The following FARS2 variants were observed in gnomAD, a reference collection of about 807,000 sequenced individuals.
The protein encoded by FARS2 is phenylalanine--tRNA ligase, mitochondrial.
FARS2 carries 40 observed loss-of-function variants against 46.4 expected under a neutral mutation model. The observed-to-expected ratio is 0.86, with a 90% CI of 0.67 to 1.12. The LOEUF is 1.12. Among genes scored for constraint, FARS2 ranks in the 50% most tolerant of loss-of-function variants. The probability of loss-of-function intolerance (pLI) is 0.00; values close to 1 mark genes in which losing one functional copy is unlikely to be tolerated. For missense variants in FARS2, 513 were observed against 567.9 expected (o/e 0.90, Z 0.98); for synonymous variants, 234 against 214.9 (o/e 1.09, Z -0.78).
chr6:5,330,364 G>A lies in FARS2; in HGVS notation c.-21-38186G>A, dbSNP rs764623587. On this transcript the variant is annotated intron_variant, in intron 1 of 6. Coordinates refer to ENST00000274680, the MANE Select transcript of FARS2 (RefSeq NM_006567.5). ...CTCTGAGACCTACTTCGCCATGTAGGTGTAGCGTATGCTGCTTCTGTGCTG... is the reference window on the plus strand; with the variant it reads ...CTCTGAGACCTACTTCGCCATGTAGATGTAGCGTATGCTGCTTCTGTGCTG... 2.6e-5 allele frequency among the ~76,000 whole-genome samples: 4 copies of A among 152,092 alleles called. No individual in the cohort carries two copies. In the South Asian group the frequency reaches 6.2e-4, roughly 24 times the overall value.
In FARS2 at chr6:5,621,492, A is replaced by G. The variant is rs560177584; in HGVS notation, c.1217+8172A>G. Among the ~76,000 whole-genome samples, 7 of 152,310 alleles carry G rather than the reference A, an allele frequency of 4.6e-5. No individual in the cohort carries two copies. In the East Asian group the frequency reaches 9.7e-4, roughly 21 times the overall value. On this transcript the variant is annotated intron_variant, in intron 6 of 6. Coordinates refer to ENST00000274680, the MANE Select transcript of FARS2 (RefSeq NM_006567.5). ...GTTAAGCCTAATGAATGGCCTTCCC[A>G]GTTTCTTGCATGTAATTAACACTCA...
chr6:5,557,613 G>A (rs1771738393), intron 5 of FARS2, among the ~76,000 whole-genome samples: 2 of 152,072 alleles, frequency 1.3e-5, no homozygotes, highest in African/African-American at 4.8e-5. Flanking sequence ...ATGGCCTATC[G>A]AGAAAGATAT....
At chr6:5,454,411 G>A (rs746326788) in intron 4 of FARS2, among the ~76,000 whole-genome samples, 2 of 151,762 alleles carry the variant, frequency 1.3e-5, no homozygotes, top group East Asian at 1.9e-4. Flanking sequence ...GCGTGATCTC[G>A]GCTCACTGCA....
At chr6:5,467,278 G>C (rs1400887229) in intron 4 of FARS2, among the ~76,000 whole-genome samples, 2 of 152,058 alleles carry the variant, frequency 1.3e-5, no homozygotes, top group Admixed American at 6.6e-5. Flanking sequence ...GCATTTTAAG[G>C]TTTCAGTAAC....
intron 6 of FARS2, among the ~76,000 whole-genome samples, chr6:5,739,508 A>C (rs1168680981): frequency 6.6e-6 from 1 of 152,212 alleles, no homozygotes; most frequent in Non-Finnish European, 1.5e-5. Context: ...AATTAATTCA[A>C]AATGGCTTAG....
rs150382927 is a variant in FARS2 at position 5,266,642 on chromosome 6, A to G, written c.-22+4982A>G. On this transcript the variant is annotated intron_variant, in intron 1 of 6. Coordinates refer to ENST00000274680, the MANE Select transcript of FARS2 (RefSeq NM_006567.5). ...TGATACAACACTGCTTCACAGATAA[A>G]GTACCAGCTTCAGGAATTGGAAGGT... is the stretch of plus-strand genomic sequence containing the variant. 1.2e-4 allele frequency among the ~76,000 whole-genome samples: 18 copies of G among 152,348 alleles called. No homozygotes were observed. The East Asian group carries it at 3.3e-3, about 28-fold the overall frequency.
chr6:5,377,470 C>T (rs906373687), intron 2 of FARS2, among the ~76,000 whole-genome samples: 1 of 152,212 alleles, frequency 6.6e-6, no homozygotes, highest in African/African-American at 2.4e-5. Flanking sequence ...GGCAATACTT[C>T]CTCCTGAATT....
At chr6:5,603,238 G>A (rs2150641434) in intron 5 of FARS2, among the ~76,000 whole-genome samples, 1 of 152,264 alleles carries the variant, frequency 6.6e-6, no homozygotes, top group South Asian at 2.1e-4. Context: ...TGGGACTACA[G>A]GCATGGACCA....
intron 3 of FARS2, among the ~76,000 whole-genome samples, chr6:5,411,308 A>AAACAC (rs1761931140): frequency 6.6e-6 from 1 of 152,052 alleles, no homozygotes; most frequent in African/African-American, 2.4e-5. Context: ...AAACAAAACA[A>AAACAC]AAAATCGTCT....
intron 2 of FARS2, among the ~76,000 whole-genome samples, chr6:5,378,508 A>G (rs1759535239): frequency 2.0e-5 from 3 of 152,000 alleles, no homozygotes; most frequent in Admixed American, 2.0e-4. Flanking sequence ...TTCTCTTTCC[A>G]AGCTTCCCCG....
intron 2 of FARS2, among the ~76,000 whole-genome samples, chr6:5,385,311 T>G (rs1760044632): frequency 6.6e-6 from 1 of 152,232 alleles, no homozygotes; most frequent in African/African-American, 2.4e-5. Context: ...TCCAAAGTGA[T>G]TTGAATACTT....
At chr6:5,525,895 T>C (rs1582354374) in intron 4 of FARS2, among the ~76,000 whole-genome samples, 1 of 152,238 alleles carries the variant, frequency 6.6e-6, no homozygotes, top group Admixed American at 6.5e-5. Flanking sequence ...AGACTACAAA[T>C]GTGCAACTCA....
chr6:5,336,319 A>T (rs1015393998), intron 1 of FARS2, among the ~76,000 whole-genome samples: 1 of 151,932 alleles, frequency 6.6e-6, no homozygotes, highest in Non-Finnish European at 1.5e-5. Context: ...GAACAGAGAC[A>T]TGGCAGTCTG....
chr6:5,385,988 C>G (rs915874987), intron 2 of FARS2, among the ~76,000 whole-genome samples: 3 of 152,054 alleles, frequency 2.0e-5, no homozygotes, highest in Admixed American at 2.0e-4. Context: ...TCTTGGGAAG[C>G]TCGTCCTAAA....
rs1765816600 is a variant in FARS2, at chr6:5,471,739, CAATCA to C, written c.904+40568_904+40572del. 6.6e-6 allele frequency among the ~76,000 whole-genome samples: 1 copy of C among 152,178 alleles called. No homozygotes were observed. The highest frequency in any genetic ancestry group is 6.5e-5 in the Admixed American group (1 of 15,278). ...TTATGTGGTGATTAGAGCTGGGCTTCAATCAGCTGGATGATTCCCCAAGGCAGGGT... is the reference window on the plus strand; with the variant it reads ...TTATGTGGTGATTAGAGCTGGGCTTCGCTGGATGATTCCCCAAGGCAGGGT... On this transcript the variant is annotated intron_variant, in intron 4 of 6. Transcript: ENST00000274680. This position sits in a 1 kb window ranked among gnomAD's most constrained non-coding sequence, Gnocchi z 4.1.
intron 1 of FARS2, among the ~76,000 whole-genome samples, chr6:5,328,280 A>G (rs1431195053): frequency 6.6e-6 from 1 of 152,138 alleles, no homozygotes; most frequent in Admixed American, 6.5e-5. Flanking sequence ...CCAAAGCACT[A>G]TTGCCCCTGT....
chr6:5,518,334 G>A (rs1768935592), intron 4 of FARS2, among the ~76,000 whole-genome samples: 1 of 151,950 alleles, frequency 6.6e-6, no homozygotes, highest in Admixed American at 6.5e-5. Context: ...TTTCAGAGAA[G>A]TAGACTATGT....
intron 1 of FARS2, among the ~76,000 whole-genome samples, chr6:5,326,659 A>G (rs1351747679): frequency 2.6e-5 from 4 of 152,132 alleles, no homozygotes; most frequent in African/African-American, 9.7e-5. Flanking sequence ...CCCCTTCAGG[A>G]ACACCACTGG....
rs79012241 is a variant in FARS2, at chr6:5,517,728, A to G, written c.905-27452A>G. ...TCTCATAATTTTCCAAATTAAATAC[A>G]TGGTGAAATGAGTATTTTAGATATA... is the stretch of plus-strand genomic sequence containing the variant. On this transcript the variant is annotated intron_variant, in intron 4 of 6. Coordinates refer to ENST00000274680, the MANE Select transcript of FARS2 (RefSeq NM_006567.5). Among the ~76,000 whole-genome samples, 1,457 of 152,316 alleles carry G rather than the reference A, an allele frequency of 9.6e-3. 19 individuals are homozygous for G. The highest frequency in any genetic ancestry group is 0.032 in the African/African-American group (1,342 of 41,568).
Sources: allele counts gnomAD v4.1 joint callset (sites outside exome capture counted in the v4.1 genomes callset), GRCh38; gene constraint gnomAD v4.1.1; non-coding constraint Gnocchi (gnomAD v3.1); transcripts MANE v1.5; gene names NCBI Gene and HGNC (gene_info 2026-07-23, HGNC 2026-07-21).